The following SSBP2 variants were observed in gnomAD, a reference collection of about 807,000 sequenced individuals.
SSBP2 encodes the protein single stranded DNA binding protein 2, also known as single-stranded DNA-binding protein 2.
A neutral mutation model predicts 61.8 loss-of-function variants in SSBP2; 17 were observed. The ratio of observed to expected loss-of-function variants is 0.28; its 90% confidence interval spans 0.19 to 0.41. The LOEUF (loss-of-function observed/expected upper bound fraction) is 0.41. Among genes scored for constraint, SSBP2 ranks in the 10% least tolerant of loss-of-function variants. The pLI, the probability that SSBP2 is intolerant of heterozygous loss-of-function variation, is 1.00. For synonymous variants in SSBP2, 139 were observed against 141.3 expected (o/e 0.98, Z 0.12); for missense variants, 310 against 458.7 (o/e 0.68, Z 2.96).
chr5:81,632,106 C>T (rs10054360), intron 3 of SSBP2, among the ~76,000 whole-genome samples: 8,110 of 152,162 alleles, frequency 0.053, 408 homozygotes, highest in African/African-American at 0.13. Context: ...TCTCTTAATA[C>T]CCATTTATGC....
intron 4 of SSBP2, among the ~76,000 whole-genome samples, chr5:81,524,906 G>A (rs1052749228): frequency 2.0e-5 from 3 of 151,964 alleles, no homozygotes; most frequent in Non-Finnish European, 2.9e-5. Context: ...TTTAATTGTT[G>A]ACAAGGTCCC....
intron 1 of SSBP2, among the ~76,000 whole-genome samples, chr5:81,711,851 A>C (rs944701655): frequency 6.6e-6 from 1 of 152,118 alleles, no homozygotes; most frequent in Non-Finnish European, 1.5e-5. Flanking sequence ...GACTATGGAA[A>C]ACTACATAAT....
chr5:81,667,512 A>G (rs1405317931), intron 1 of SSBP2, among the ~76,000 whole-genome samples: 1 of 152,134 alleles, frequency 6.6e-6, no homozygotes. Flanking sequence ...TAAAGCTACT[A>G]TATGGACTCA....
chr5:81,684,571 G>T (rs192530586), intron 1 of SSBP2, among the ~76,000 whole-genome samples: 2 of 152,094 alleles, frequency 1.3e-5, no homozygotes, highest in African/African-American at 4.8e-5. Context: ...AGTCAAAGGA[G>T]GTTATTTGGG....
At chr5:81,604,754 A>G (rs1744713049) in intron 4 of SSBP2, among the ~76,000 whole-genome samples, 1 of 152,172 alleles carries the variant, frequency 6.6e-6, no homozygotes, top group African/African-American at 2.4e-5. Flanking sequence ...CCACAAGGCT[A>G]CCACGATGTC....
intron 4 of SSBP2, among the ~76,000 whole-genome samples, chr5:81,601,017 T>C (rs539374989): frequency 4.6e-5 from 7 of 152,328 alleles, no homozygotes; most frequent in African/African-American, 7.2e-5. Context: ...AATAGTGTAA[T>C]TGACATGAAG....
chr5:81,700,348 G>T (rs1398035377), intron 1 of SSBP2, among the ~76,000 whole-genome samples: 1 of 152,118 alleles, frequency 6.6e-6, no homozygotes, highest in Non-Finnish European at 1.5e-5. Context: ...TCTCAACAGT[G>T]GGCTTAAAAT....
At chr5:81,689,320 CAG>C (rs1753039148) in intron 1 of SSBP2, among the ~76,000 whole-genome samples, 1 of 152,028 alleles carries the variant, frequency 6.6e-6, no homozygotes. Context: ...GGAATAATAA[CAG>C]AAATTCTCAA....
intron 1 of SSBP2, among the ~76,000 whole-genome samples, chr5:81,701,075 T>TG (rs1413482438): frequency 1.4e-4 from 22 of 152,230 alleles, no homozygotes; most frequent in African/African-American, 4.6e-4. Context: ...GCTTTTGACA[T>TG]GTCTTCTTCA....
chr5:81,702,975 A>G (rs78850650), intron 1 of SSBP2, among the ~76,000 whole-genome samples: 2,420 of 152,264 alleles, frequency 0.016, 55 homozygotes, highest in African/African-American at 0.056. Flanking sequence ...TATTACACAC[A>G]TTCCCCACTA....
At chr5:81,496,013 G>A (rs938777662) in intron 5 of SSBP2, among the ~76,000 whole-genome samples, 3 of 152,050 alleles carry the variant, frequency 2.0e-5, no homozygotes, top group African/African-American at 4.8e-5. Context: ...TAGAATGAAC[G>A]AATTAACATT....
rs181858334 is a variant in SSBP2 at position 81,645,038 on chromosome 5, T to C, written c.135+5229A>G. Among the ~76,000 whole-genome samples, 30 of 152,292 alleles carry C rather than the reference T, an allele frequency of 2.0e-4. 1 individual carries two copies. The highest frequency in any genetic ancestry group is 1.6e-3 in the Admixed American group (25 of 15,298). The stretch of plus-strand genomic sequence containing the variant: ...GTCAAGATTTTTTAAAATGACACTT[T>C]TGAACACTTACTATAGGCCAGGCAC... On this transcript the variant is annotated intron_variant, in intron 2 of 16. Transcript: ENST00000320672.
At chr5:81,513,576 C>A in intron 5 of SSBP2, 52 bp downstream of exon 5, 1 of 1,102,820 alleles carries the variant, frequency 9.1e-7, no homozygotes, top group Non-Finnish European at 1.4e-6. Flanking sequence ...TTAATAAAAT[C>A]AAACAGGAGT....
intron 4 of SSBP2, among the ~76,000 whole-genome samples, chr5:81,594,890 G>A (rs1463740378): frequency 1.3e-5 from 2 of 151,992 alleles, no homozygotes; most frequent in Non-Finnish European, 2.9e-5. Context: ...AGAGAAAGCA[G>A]GAAAGATCTA....
At chr5:81,462,022 A>T (rs140664914) in intron 9 of SSBP2, among the ~76,000 whole-genome samples, 299 of 152,116 alleles carry the variant, frequency 2.0e-3, no homozygotes, top group African/African-American at 7.0e-3. Context: ...ATTTTTAATT[A>T]AAAAAAATCC....
At chr5:81,460,901 C>T (rs1251697188) in intron 10 of SSBP2, among the ~76,000 whole-genome samples, 154 bp downstream of exon 10, 1 of 151,938 alleles carries the variant, frequency 6.6e-6, no homozygotes, top group Non-Finnish European at 1.5e-5. Context: ...AATTATGCAT[C>T]TTTTTCTAAA....
intron 1 of SSBP2, among the ~76,000 whole-genome samples, chr5:81,730,806 T>C (rs1402318174): frequency 6.6e-6 from 1 of 152,196 alleles, no homozygotes; most frequent in East Asian, 1.9e-4. Flanking sequence ...AGTGATGAAA[T>C]TGAAGCAGTT....
rs532523804 is a variant in SSBP2, at chr5:81,473,788, A to AC, written c.500-19dup. On this transcript the variant is annotated intron_variant, in intron 7 of 16. Coordinates refer to ENST00000320672, the MANE Select transcript of SSBP2 (RefSeq NM_012446.5). ...TGGATGTCCTAAAAAAAGTATGAAGACATTAGCAAAGTAATGAGCATGAGT... is the reference window on the plus strand; with the variant it reads ...TGGATGTCCTAAAAAAAGTATGAAGACCATTAGCAAAGTAATGAGCATGAGT... 25 of 1,611,654 alleles carry AC rather than the reference A, an allele frequency of 1.6e-5. No homozygotes were observed. Among genetic ancestry groups the AC allele is most frequent in the Non-Finnish European group, 2.0e-5 (24 of 1,177,966 alleles).
intron 4 of SSBP2, among the ~76,000 whole-genome samples, chr5:81,589,757 T>C (rs1775349563): frequency 6.6e-6 from 1 of 152,156 alleles, no homozygotes. Flanking sequence ...TTTTGGCTCA[T>C]GGTTCTGGAG....
Sources: gnomAD v4.1 joint callset for allele counts (sites outside exome capture counted in the v4.1 genomes callset) on GRCh38, gnomAD v4.1.1 for gene constraint, MANE v1.5 for transcripts, NCBI Gene and HGNC (gene_info 2026-07-23, HGNC 2026-07-21) for gene names.